Variants in ZNF638 observed in about 807,000 individuals in gnomAD.
ZNF638 encodes the protein zinc finger protein 638.
In ZNF638, 46 loss-of-function variants were observed where a neutral mutation model predicts 195.6. The ratio of observed to expected loss-of-function variants is 0.24; its 90% confidence interval spans 0.19 to 0.30. ZNF638 has a LOEUF of 0.30. Ranked by LOEUF, ZNF638 falls within the 10% of genes least tolerant of loss-of-function variation. ZNF638 has a pLI of 1.00. For synonymous variants in ZNF638, 845 were observed against 772.0 expected (o/e 1.09, Z -1.57); for missense variants, 2,440 against 2,325.3 (o/e 1.05, Z -1.01).
chr2:71,398,850 C>G lies in ZNF638; in HGVS notation c.2500+78C>G. 2.3e-6 allele frequency: 3 copies of G among 1,278,430 alleles called. No homozygotes were observed. In the South Asian group the frequency reaches 3.9e-5, roughly 17 times the overall value. The allele number at this position is 1,278,430 out of a possible 1,614,324, so 79.2% of individuals were successfully genotyped here. ...AAATTCGTATAATAATTTTTAGCAT[C>G]TAATACTTGAAGAGTTTAGTAGATA... is the stretch of plus-strand genomic sequence containing the variant. On this transcript the variant is annotated intron_variant, in intron 12 of 27. Transcript: ENST00000264447.
chr2:71,388,711 G>C lies in ZNF638; in HGVS notation c.2378-7430G>C. On this transcript the variant is annotated intron_variant, in intron 10 of 27. Coordinates refer to ENST00000264447, the MANE Select transcript of ZNF638 (RefSeq NM_014497.5). ...GAACCCCCGAAAATGAAGGCGAAGA[G>C]ACTGTGCAGTCAGTAAGTCATTGGT... 3.4e-6 allele frequency: 4 copies of C among 1,184,892 alleles called. No homozygotes were observed. The East Asian group carries it at 9.3e-5, about 28-fold the overall frequency. 73.4% of individuals were successfully genotyped at this position (1,184,892 alleles called of 1,614,324 possible).
At chr2:71,364,293 A>G (rs1204144828) in intron 5 of ZNF638, 41 bp downstream of exon 5, 3 of 1,541,054 alleles carry the variant, frequency 1.9e-6, no homozygotes, top group African/African-American at 2.8e-5. Flanking sequence ...ACTTATTTTG[A>G]CTAAATTTTT....
chr2:71,404,138 C>T (rs2080058242), intron 17 of ZNF638, 140 bp downstream of exon 17: 1 of 790,662 alleles, frequency 1.3e-6, no homozygotes. Context: ...GTCCCTCCAA[C>T]AATCACCCAG....
Position 71,427,222 on chromosome 2 carries a change from G to A in ZNF638, c.5353G>A (p.Asp1785Asn). The A allele has an allele frequency of 6.2e-7, 1 of 1,612,414 alleles. No homozygotes were observed. Among genetic ancestry groups the A allele is most frequent in the South Asian group, 1.1e-5 (1 of 90,714 alleles). The change falls in exon 24 of 28, where the codon GAT becomes AAT. Residue 1785 changes from aspartate (D) to asparagine (N), a missense_variant. Physicochemically the swap from Asp to Asn is conservative, Grantham distance 23. Coordinates refer to ENST00000264447, the MANE Select transcript of ZNF638 (RefSeq NM_014497.5). ...TGTTGATGAAGTTGGAGAGGAGGAA[G>A]ATGGAGATAATGATTTAAAAGTTGA... is the stretch of plus-strand genomic sequence containing the variant. ...VTVDEVGEEE[D>N]GDNDLKVELA... is the part of the protein sequence containing the mutation.
At chr2:71,363,814 T>G in intron 4 of ZNF638, 140 bp from the exon 5 acceptor site, 2 of 1,002,126 alleles carry the variant, frequency 2.0e-6, no homozygotes, top group Non-Finnish European at 2.8e-6. Context: ...AACAAACAGA[T>G]TTTTGTTTTA....
intron 10 of ZNF638, among the ~76,000 whole-genome samples, chr2:71,383,511 T>C (rs992017998): frequency 6.6e-6 from 1 of 151,732 alleles, no homozygotes; most frequent in East Asian, 1.9e-4. Flanking sequence ...CTTTCTAGTT[T>C]TCCTAATAAT....
At chr2:71,396,328 A>G (rs1275366713) in intron 11 of ZNF638, 137 bp downstream of exon 11, 1 of 676,196 alleles carries the variant, frequency 1.5e-6, no homozygotes. Flanking sequence ...ATTTATAATC[A>G]TCTAGCAATT....
intron 5 of ZNF638, 129 bp downstream of exon 5, chr2:71,364,381 A>C: frequency 1.0e-6 from 1 of 975,370 alleles, no homozygotes; most frequent in Non-Finnish European, 1.5e-6. Flanking sequence ...TCTGACCCAC[A>C]TGCCACAGAG....
At chr2:71,401,088 T>C (rs1236101467) in intron 15 of ZNF638, among the ~76,000 whole-genome samples, 2 of 152,188 alleles carry the variant, frequency 1.3e-5, no homozygotes, top group African/African-American at 4.8e-5. Context: ...AGATCCATTC[T>C]TCAAGTAGTA....
chr2:71,431,006 G>C (rs2080646819), intron 25 of ZNF638: 2 of 177,004 alleles, frequency 1.1e-5, no homozygotes, highest in Non-Finnish European at 1.2e-5. Context: ...TCCACTCTCG[G>C]CTCAGCTTAG....
chr2:71,397,605 G>A (rs1371420273), intron 11 of ZNF638, among the ~76,000 whole-genome samples: 1 of 152,050 alleles, frequency 6.6e-6, no homozygotes, highest in Non-Finnish European at 1.5e-5. Context: ...AAATCTGTTC[G>A]TGCCCCAAAG....
At chr2:71,434,034 G>T (rs1416724091) in intron 27 of ZNF638, among the ~76,000 whole-genome samples, 1 of 152,204 alleles carries the variant, frequency 6.6e-6, no homozygotes, top group Admixed American at 6.5e-5. Flanking sequence ...TTTGCTACCT[G>T]TGTGCTTAAC....
intron 5 of ZNF638, among the ~76,000 whole-genome samples, chr2:71,364,527 A>G (rs909443022): frequency 7.9e-5 from 12 of 152,166 alleles, no homozygotes; most frequent in African/African-American, 1.2e-4. Context: ...GGATTAATTT[A>G]AAATGTTTTT....
intron 2 of ZNF638, among the ~76,000 whole-genome samples, chr2:71,350,553 G>C (rs1013637201): frequency 1.3e-5 from 2 of 152,226 alleles, no homozygotes; most frequent in African/African-American, 4.8e-5. Flanking sequence ...TAAAATTTAT[G>C]TAACATAAGC....
At chr2:71,425,227 T>G (rs2080514459) in intron 23 of ZNF638, among the ~76,000 whole-genome samples, 2 of 152,238 alleles carry the variant, frequency 1.3e-5, no homozygotes, top group South Asian at 4.1e-4. Flanking sequence ...AGAATTTTTT[T>G]CAGTCATTTT....
chr2:71,396,144 A>C lies in ZNF638; in HGVS notation c.2381A>C (p.Lys794Thr). 1 of 1,613,216 alleles carries C rather than the reference A, an allele frequency of 6.2e-7. No homozygotes were observed. The highest frequency in any genetic ancestry group is 1.1e-5 in the South Asian group (1 of 90,802). ...VEIVTSTSAA[K>T]TGQAKASVAK... The stretch of plus-strand genomic sequence containing the variant: ...AATGTTTTTCTTGTTGTTTTAGCCA[A>C]AACTGGACAAGCCAAGGCATCTGTA... Residue 794 changes from lysine to threonine, a missense_variant, in exon 11 of 28, where the codon AAA becomes ACA. By Grantham distance (78) the Lys-to-Thr change is moderately conservative (BLOSUM62 -1). Transcript: ENST00000264447.
At chr2:71,404,449 C>G (rs2080065568) in intron 17 of ZNF638, among the ~76,000 whole-genome samples, 1 of 152,212 alleles carries the variant, frequency 6.6e-6, no homozygotes, top group African/African-American at 2.4e-5. Flanking sequence ...GTGGCTCACG[C>G]TGGTGATCCC....
chr2:71,426,264 GGA>G (rs1365550658), intron 23 of ZNF638, among the ~76,000 whole-genome samples, 194 bp from the exon 24 acceptor site: 7 of 152,100 alleles, frequency 4.6e-5, no homozygotes, highest in South Asian at 2.1e-4. Flanking sequence ...TTTTACTTTT[GGA>G]TTATACTTTG....
chr2:71,422,586 AG>A (rs1366444049), intron 21 of ZNF638, among the ~76,000 whole-genome samples: 5 of 152,228 alleles, frequency 3.3e-5, no homozygotes, highest in African/African-American at 4.8e-5. Flanking sequence ...TGAGCGCAAA[AG>A]GAACATATCA....
Sources: allele counts gnomAD v4.1 joint callset (sites outside exome capture counted in the v4.1 genomes callset), GRCh38; gene constraint gnomAD v4.1.1; transcripts MANE v1.5; gene names NCBI Gene and HGNC (gene_info 2026-07-23, HGNC 2026-07-21).